CAST: variants seen among roughly 807,000 people sequenced by gnomAD.
CAST encodes MIR583 host.
A neutral mutation model predicts 119.6 loss-of-function variants in CAST; 76 were observed. The observed-to-expected ratio is 0.64, with a 90% confidence interval of 0.53 to 0.77. CAST has a LOEUF of 0.77. Ranked by LOEUF, CAST falls within the 30% of genes least tolerant of loss-of-function variation. The pLI is 0.00. For missense variants in CAST, 953 were observed against 946.5 expected, an observed-to-expected ratio of 1.01 and a Z score of -0.09; for synonymous variants, 319 against 331.6, an observed-to-expected ratio of 0.96 and a Z score of 0.41.
At chr5:96,549,109 C>T (rs1257677045) in intron 1 of CAST, among the ~76,000 whole-genome samples, 1 of 152,200 alleles carries the variant, frequency 6.6e-6, no homozygotes, top group Non-Finnish European at 1.5e-5. Context: ...TCCAGTATCT[C>T]CAACAGGGCA....
chr5:96,691,980 A>G (rs201827447), intron 2 of CAST, among the ~76,000 whole-genome samples: 2 of 152,332 alleles, frequency 1.3e-5, no homozygotes, highest in East Asian at 3.9e-4. Flanking sequence ...TCGAGTTCTG[A>G]TTGACTCAGT....
the CAST span, among the ~76,000 whole-genome samples, chr5:95,999,055 A>AT: frequency 0.038 from 5,739 of 150,502 alleles, 180 homozygotes; most frequent in Admixed American, 0.077. Context: ...CTTTTTTGAG[A>AT]TTTTTTTAGT....
At chr5:96,408,809 A>C in the CAST span, among the ~76,000 whole-genome samples, 18 of 152,340 alleles carry the variant, frequency 1.2e-4, no homozygotes, top group Middle Eastern at 6.8e-3. Context: ...AACTACTTGC[A>C]CAAAAAATGC....
At chr5:96,419,537 A>T in the CAST span, among the ~76,000 whole-genome samples, 9 of 151,558 alleles carry the variant, frequency 5.9e-5, no homozygotes, top group African/African-American at 2.2e-4. Flanking sequence ...CAAAGAAGTT[A>T]AATAATTTCC....
At chr5:96,490,728 ATAC>A in the CAST span, among the ~76,000 whole-genome samples, 1 of 152,126 alleles carries the variant, frequency 6.6e-6, no homozygotes, top group African/African-American at 2.4e-5. Flanking sequence ...CTCCTACCTG[ATAC>A]TACTAAAAAA....
chr5:96,759,293 C>T (rs913191639), intron 24 of CAST, among the ~76,000 whole-genome samples: 4 of 152,084 alleles, frequency 2.6e-5, no homozygotes, highest in Non-Finnish European at 4.4e-5. Context: ...AGCTCCTGTA[C>T]GTACCATGCT....
chr5:96,735,500 A>G (rs1761443813), intron 9 of CAST, among the ~76,000 whole-genome samples: 1 of 152,224 alleles, frequency 6.6e-6, no homozygotes, highest in African/African-American at 2.4e-5. Flanking sequence ...TGCAGAGTGT[A>G]TACAGTGGGG....
chr5:96,222,153 C>A, the CAST span, among the ~76,000 whole-genome samples: 1 of 151,982 alleles, frequency 6.6e-6, no homozygotes, highest in Non-Finnish European at 1.5e-5. Context: ...AACTATAAAA[C>A]TACTAGAAAA....
At chr5:96,683,064 G>T (rs1017303933) in intron 2 of CAST, among the ~76,000 whole-genome samples, 1 of 152,184 alleles carries the variant, frequency 6.6e-6, no homozygotes, top group African/African-American at 2.4e-5. Context: ...ACTTGGGTTA[G>T]AAAGAGAGGC....
At chr5:96,730,199 G>A (rs757718989) in intron 8 of CAST, among the ~76,000 whole-genome samples, 1 of 152,202 alleles carries the variant, frequency 6.6e-6, no homozygotes, top group Non-Finnish European at 1.5e-5. Flanking sequence ...TACTTCTGTA[G>A]TTAATAGCAG....
the CAST span, among the ~76,000 whole-genome samples, chr5:96,501,882 T>G: frequency 6.6e-6 from 1 of 152,234 alleles, no homozygotes; most frequent in African/African-American, 2.4e-5. Context: ...TTCAGTACAG[T>G]AACATGCTTT....
At chr5:96,607,305 A>G (rs1413539685) in intron 1 of CAST, among the ~76,000 whole-genome samples, 1 of 152,284 alleles carries the variant, frequency 6.6e-6, no homozygotes, top group East Asian at 1.9e-4. Context: ...AAAAAAACAG[A>G]ACCACTGTAT....
At chr5:95,986,199 T>G in the CAST span, 1 of 152,252 alleles carries the variant, frequency 6.6e-6, no homozygotes, top group Non-Finnish European at 1.5e-5. Flanking sequence ...CTTATGGCTT[T>G]CAGTGCTGTT....
At position 96,767,902 on chromosome 5, in the gene CAST, C is replaced by T. The variant is rs777394572; in HGVS notation, c.2176-5C>T. 139 of 1,604,662 alleles carry T rather than the reference C, an allele frequency of 8.7e-5. No individual in the cohort carries two copies. The highest frequency in any genetic ancestry group is 7.4e-4 in the South Asian group (67 of 90,864). On this transcript the variant is annotated splice_region_variant and splice_polypyrimidine_tract_variant and intron_variant, in intron 28 of 31. Coordinates refer to ENST00000675179, the MANE Select transcript of CAST (RefSeq NM_001750.7). ...CACTGATGGTTATTTCTACTCATAT[C>T]TCAGAAACCTGCAGATGACCAAGAC...
At chr5:96,390,986 G>A in the CAST span, 12 of 152,588 alleles carry the variant, frequency 7.9e-5, no homozygotes, top group African/African-American at 2.9e-4. Context: ...ACTAGATTGG[G>A]AATGGAAAAG....
At chr5:96,263,921 C>T in the CAST span, among the ~76,000 whole-genome samples, 1 of 152,134 alleles carries the variant, frequency 6.6e-6, no homozygotes, top group Non-Finnish European at 1.5e-5. Context: ...AACTCCCTCA[C>T]TATCATGAGA....
chr5:96,246,813 A>T, the CAST span, among the ~76,000 whole-genome samples: 1 of 152,222 alleles, frequency 6.6e-6, no homozygotes, highest in South Asian at 2.1e-4. Context: ...ATAAGTGACC[A>T]TGTACCTTAA....
chr5:96,564,930 C>T (rs9918149), intron 1 of CAST, among the ~76,000 whole-genome samples: 32,815 of 152,016 alleles, frequency 0.22, 4,424 homozygotes, highest in African/African-American at 0.35. Flanking sequence ...ACCTATTCTG[C>T]GAAGTATCTA....
the CAST span, among the ~76,000 whole-genome samples, chr5:95,997,139 C>T: frequency 6.6e-6 from 1 of 152,118 alleles, no homozygotes; most frequent in African/African-American, 2.4e-5. Flanking sequence ...GGGTTTCCCC[C>T]TAAAGTCAGG....
Sources: gnomAD v4.1 joint callset for allele counts (sites outside exome capture counted in the v4.1 genomes callset) on GRCh38, gnomAD v4.1.1 for gene constraint, MANE v1.5 for transcripts, NCBI Gene and HGNC (gene_info 2026-07-23, HGNC 2026-07-21) for gene names.